WWOX: variants seen among roughly 807,000 people sequenced by gnomAD.
The protein encoded by WWOX is WW domain containing oxidoreductase.
Under a neutral mutation model 46.2 loss-of-function variants are expected in WWOX, and 69 were observed. The ratio of observed to expected loss-of-function variants is 1.49; its 90% CI spans 1.23 to 1.82. The LOEUF (loss-of-function observed/expected upper bound fraction) is 1.82, where lower values mean the gene tolerates loss of function less well. WWOX is among the 40% of genes most tolerant of loss of function. The pLI, the probability that WWOX is intolerant of heterozygous loss-of-function variation, is 0.00. For missense variants in WWOX, 919 were observed against 542.6 expected, an observed-to-expected ratio of 1.69 and a Z score of -6.89; for synonymous variants, 359 against 202.6, an observed-to-expected ratio of 1.77 and a Z score of -6.56.
chr16:79,153,455 A>G (rs1040762367), intron 8 of WWOX, among the ~76,000 whole-genome samples: 6 of 152,128 alleles, frequency 3.9e-5, no homozygotes, highest in South Asian at 2.1e-4. Context: ...ATACCAAGTC[A>G]TTTGGTTTAC....
At chr16:78,643,442 G>A (rs1235065474) in intron 8 of WWOX, among the ~76,000 whole-genome samples, 1 of 152,090 alleles carries the variant, frequency 6.6e-6, no homozygotes, top group African/African-American at 2.4e-5. Context: ...GTGTCTCCCA[G>A]CTCATAAGGT....
At chr16:78,621,567 A>AC (rs2046183261) in intron 8 of WWOX, among the ~76,000 whole-genome samples, 1 of 112,102 alleles carries the variant, frequency 8.9e-6, no homozygotes, top group Non-Finnish European at 1.9e-5. Context: ...ATTCACTTGC[A>AC]CCTTTAACCT....
At chr16:78,500,738 T>C (rs1353066326) in intron 8 of WWOX, among the ~76,000 whole-genome samples, 1 of 152,216 alleles carries the variant, frequency 6.6e-6, no homozygotes, top group Non-Finnish European at 1.5e-5. Context: ...GCCCCAGTAA[T>C]ATCATTTAAT....
chr16:78,735,326 C>A (rs1232297087), intron 8 of WWOX, among the ~76,000 whole-genome samples: 2 of 151,540 alleles, frequency 1.3e-5, no homozygotes, highest in Non-Finnish European at 2.9e-5. Flanking sequence ...ATCTATCTAT[C>A]AATCCATTGG....
chr16:78,185,132 G>C (rs893343161), intron 5 of WWOX, among the ~76,000 whole-genome samples: 2 of 152,200 alleles, frequency 1.3e-5, no homozygotes, highest in Non-Finnish European at 2.9e-5. Context: ...GGGCCAAGGA[G>C]TGGGCAGTAG....
At chr16:78,114,333 C>G (rs1169150484) in intron 3 of WWOX, among the ~76,000 whole-genome samples, 1 of 152,140 alleles carries the variant, frequency 6.6e-6, no homozygotes, top group Non-Finnish European at 1.5e-5. Context: ...CTCCTGGGCT[C>G]AAGTGGTCCT....
chr16:78,914,912 A>G (rs7184535), intron 8 of WWOX, among the ~76,000 whole-genome samples: 1,676 of 149,702 alleles, frequency 0.011, 44 homozygotes, highest in African/African-American at 0.039. Context: ...AAGGAACCAG[A>G]TGGCCCTGCC....
At chr16:78,584,043 C>T (rs1397661175) in intron 8 of WWOX, among the ~76,000 whole-genome samples, 1 of 152,248 alleles carries the variant, frequency 6.6e-6, no homozygotes, top group East Asian at 1.9e-4. Context: ...TCAACCTGTC[C>T]CTTCTTTTTG....
chr16:79,169,703 G>A (rs1377609036), intron 8 of WWOX, among the ~76,000 whole-genome samples: 1 of 152,222 alleles, frequency 6.6e-6, no homozygotes, highest in Non-Finnish European at 1.5e-5. Context: ...GAATGGACCT[G>A]CCAAATGGGT....
chr16:78,721,784 C>A (rs1345292593), intron 8 of WWOX, among the ~76,000 whole-genome samples: 1 of 152,182 alleles, frequency 6.6e-6, no homozygotes, highest in Admixed American at 6.5e-5. Context: ...ATAGCAGGTG[C>A]TCCGAAGATA....
chr16:78,911,643 A>G (rs956655953), intron 8 of WWOX, among the ~76,000 whole-genome samples: 4 of 152,050 alleles, frequency 2.6e-5, no homozygotes, highest in African/African-American at 9.7e-5. Flanking sequence ...AGACAGGCAG[A>G]TCACTTGAAG....
chr16:78,429,934 C>T (rs1177734074), intron 7 of WWOX, among the ~76,000 whole-genome samples: 2 of 152,148 alleles, frequency 1.3e-5, no homozygotes, highest in Non-Finnish European at 2.9e-5. Context: ...AAAAGCCCAC[C>T]ATTACCAGGT....
At chr16:78,431,510 C>T (rs1302446725) in intron 7 of WWOX, among the ~76,000 whole-genome samples, 1 of 152,086 alleles carries the variant, frequency 6.6e-6, no homozygotes, top group Non-Finnish European at 1.5e-5. Context: ...TGATATCTTT[C>T]TGTTTCCAAA....
intron 8 of WWOX, among the ~76,000 whole-genome samples, chr16:78,512,230 G>A (rs1480507783): frequency 2.6e-5 from 4 of 152,126 alleles, no homozygotes; most frequent in South Asian, 2.1e-4. Context: ...AGAAACTCCC[G>A]ATATTTAATA....
chr16:79,012,728 C>T (rs977261669), intron 8 of WWOX, among the ~76,000 whole-genome samples: 3 of 152,180 alleles, frequency 2.0e-5, no homozygotes, highest in Non-Finnish European at 4.4e-5. Flanking sequence ...AGGACGTATA[C>T]GTGCCCTTTT....
chr16:78,629,139 G>C (rs116287012), intron 8 of WWOX, among the ~76,000 whole-genome samples: 3 of 152,110 alleles, frequency 2.0e-5, no homozygotes, highest in Non-Finnish European at 4.4e-5. Context: ...TTTTCAAAGG[G>C]CACCACTGCT....
chr16:78,871,724 C>G (rs2044132728), intron 8 of WWOX, among the ~76,000 whole-genome samples: 2 of 152,196 alleles, frequency 1.3e-5, no homozygotes, highest in South Asian at 4.1e-4. Flanking sequence ...CTCAGCCTTC[C>G]AAGCAGCTGG....
chr16:79,000,622 C>T (rs79984418), intron 8 of WWOX, among the ~76,000 whole-genome samples: 4 of 152,112 alleles, frequency 2.6e-5, no homozygotes, highest in African/African-American at 9.7e-5. Context: ...AGATTCTCTC[C>T]CAGAACTTCC....
intron 8 of WWOX, among the ~76,000 whole-genome samples, chr16:78,541,748 A>G (rs12596123): frequency 6.6e-6 from 1 of 151,780 alleles, no homozygotes; most frequent in African/African-American, 2.4e-5. Flanking sequence ...AATAATACCC[A>G]CCTCCCAGGG....
Sources: gnomAD v4.1 joint callset for allele counts (sites outside exome capture counted in the v4.1 genomes callset) on GRCh38, gnomAD v4.1.1 for gene constraint, MANE v1.5 for transcripts, NCBI Gene and HGNC (gene_info 2026-07-23, HGNC 2026-07-21) for gene names.